Variants in CDC6 observed in about 807,000 individuals in gnomAD.
The protein encoded by CDC6 is cell division cycle 6.
CDC6 carries 46 observed loss-of-function variants against 60.2 expected under a neutral mutation model. The observed-to-expected ratio is 0.76, with a 90% CI of 0.60 to 0.98. CDC6 has a LOEUF of 0.98. Ranked by LOEUF, CDC6 falls within the 50% of genes least tolerant of loss-of-function variation. The pLI is 0.00. For synonymous variants in CDC6, 210 were observed against 233.2 expected, an observed-to-expected ratio of 0.90 and a Z score of 0.90; for missense variants, 596 against 652.9, an observed-to-expected ratio of 0.91 and a Z score of 0.95.
intron 11 of CDC6, 109 bp from the exon 12 acceptor site, chr17:40,301,803 A>G: frequency 1.0e-6 from 1 of 965,826 alleles, no homozygotes; most frequent in Non-Finnish European, 1.7e-6. Flanking sequence ...AAAGTGTTTA[A>G]CTTGCTTGCC....
chr17:40,293,891 A>G, intron 5 of CDC6, 59 bp from the exon 6 acceptor site: 3 of 1,415,640 alleles, frequency 2.1e-6, no homozygotes, highest in Non-Finnish European at 3.0e-6. Flanking sequence ...GTCAGCCTAT[A>G]TCAAACATTA....
At chr17:40,292,220 G>A (rs2032774804) in intron 4 of CDC6, among the ~76,000 whole-genome samples, 1 of 152,044 alleles carries the variant, frequency 6.6e-6, no homozygotes, top group South Asian at 2.1e-4. Flanking sequence ...GTAGAGACAG[G>A]GTTTCACCAT....
At position 40,302,170 on chromosome 17, in the gene CDC6, T is replaced by C; in HGVS notation, c.*169T>C. The C allele has an allele frequency of 1.6e-6, 1 of 632,630 alleles. No individual in the cohort carries two copies. 39.2% of individuals were successfully genotyped at this position (632,630 alleles called of 1,614,324 possible). On this transcript the variant is annotated 3_prime_UTR_variant, in exon 12 of 12. Coordinates refer to ENST00000209728, the MANE Select transcript of CDC6 (RefSeq NM_001254.4). ...TTAATATTAGCACAGAATAATATCTTTGGGTCTTACTATTTTTACCCATAA... is the reference window on the plus strand; with the variant it reads ...TTAATATTAGCACAGAATAATATCTCTGGGTCTTACTATTTTTACCCATAA...
Position 40,303,640 on chromosome 17 carries a change from A to C in CDC6, c.*1639A>C, listed in dbSNP as rs941515997. ...TGTTGTTCTCACACTCCTTTACTAG[A>C]GTATTCGTTCCCTCTGAAGGTAGTT... On this transcript the variant is annotated 3_prime_UTR_variant, in exon 12 of 12. Coordinates refer to ENST00000209728, the MANE Select transcript of CDC6 (RefSeq NM_001254.4). The C allele has an allele frequency of 6.6e-6, 1 of 152,222 alleles. No homozygotes were observed. Among genetic ancestry groups the C allele is most frequent in the Non-Finnish European group, 1.5e-5 (1 of 68,060 alleles). The allele number at this position is 152,222 out of a possible 1,614,324, so 9.4% of individuals were successfully genotyped here.
chr17:40,296,034 T>C (rs1473771696), intron 8 of CDC6, among the ~76,000 whole-genome samples: 1 of 152,104 alleles, frequency 6.6e-6, no homozygotes, highest in Non-Finnish European at 1.5e-5. Flanking sequence ...CCTCCCCCTA[T>C]TGCTATGCAG....
intron 2 of CDC6, 65 bp from the exon 3 acceptor site, chr17:40,290,993 G>T: frequency 1.3e-6 from 2 of 1,505,986 alleles, no homozygotes; most frequent in South Asian, 2.3e-5. Context: ...AGAGGCAGAG[G>T]TCTTGCACAT....
In CDC6 at chr17:40,301,477, G is replaced by A. The variant is rs778637145; in HGVS notation, c.1462G>A (p.Ala488Thr). 3.1e-6 allele frequency: 5 copies of A among 1,613,940 alleles called. No individual in the cohort carries two copies. The Admixed American group carries it at 6.7e-5, about 22-fold the overall frequency. ...CCTTGTTTCCTACCAGTTATATGAA[G>A]CCTACAGTAAAGTCTGTCGCAAACA... is the stretch of plus-strand genomic sequence containing the variant. ...KEVTLGKLYE[A>T]YSKVCRKQQV... Residue 488 changes from alanine (A) to threonine (T), a missense_variant, in exon 11 of 12, where the codon GCC becomes ACC. Physicochemically the swap from Ala to Thr is moderately conservative, Grantham distance 58 (BLOSUM62 0). Transcript: ENST00000209728.
chr17:40,293,349 G>A (rs995361125), intron 4 of CDC6, 107 bp from the exon 5 acceptor site: 15 of 779,786 alleles, frequency 1.9e-5, no homozygotes, highest in Non-Finnish European at 3.4e-5. Context: ...CCAAATGAAA[G>A]TAGAGCTTCC....
In CDC6 at chr17:40,302,133, T is replaced by C; in HGVS notation, c.*132T>C. Reference sequence around the variant, plus strand: ...TTTACTTGAAGCCAATGAATTTTAATCTATAGATTCTTTAATATTAGCACA... The same window carrying C: ...TTTACTTGAAGCCAATGAATTTTAACCTATAGATTCTTTAATATTAGCACA... On this transcript the variant is annotated 3_prime_UTR_variant, in exon 12 of 12. Transcript: ENST00000209728. 1.4e-6 allele frequency: 1 copy of C among 725,920 alleles called. No individual in the cohort carries two copies. The allele number at this position is 725,920 out of a possible 1,614,324, so 45.0% of individuals were successfully genotyped here.
intron 2 of CDC6, 120 bp from the exon 3 acceptor site, chr17:40,290,933 CATTTT>C: frequency 2.1e-6 from 2 of 937,248 alleles, no homozygotes; most frequent in Non-Finnish European, 3.5e-6. Flanking sequence ...AGTGAGAAGG[CATTTT>C]ATTTTGGTGG....
intron 9 of CDC6, among the ~76,000 whole-genome samples, chr17:40,297,656 T>A (rs568117339): frequency 6.6e-6 from 1 of 152,268 alleles, no homozygotes; most frequent in African/African-American, 2.4e-5. Context: ...TAGTCCTAGC[T>A]ACTTGGCAGG....
intron 4 of CDC6, among the ~76,000 whole-genome samples, chr17:40,292,610 G>C (rs943456334): frequency 1.3e-5 from 2 of 151,346 alleles, no homozygotes; most frequent in African/African-American, 4.9e-5. Context: ...ACTCCAGCCT[G>C]GGTGACAGAG....
rs780100461 is a variant in CDC6, at chr17:40,295,559, T to C, written c.1184+103T>C. On this transcript the variant is annotated intron_variant, in intron 8 of 11. Coordinates refer to ENST00000209728, the MANE Select transcript of CDC6 (RefSeq NM_001254.4). ...GTGAATGTGGCTTAAGAGGCTCTGT[T>C]CTGCTACTTTTTTACGCTCAGAAAG... 329 of 801,126 alleles carry C rather than the reference T, an allele frequency of 4.1e-4. 1 individual carries two copies. In the Middle Eastern group the frequency reaches 4.7e-3, roughly 11 times the overall value. 49.6% of individuals were successfully genotyped at this position (801,126 alleles called of 1,614,324 possible).
Position 40,294,402 on chromosome 17 carries a change from C to A in CDC6, c.982C>A (p.Pro328Thr). Residue 328 changes from proline to threonine, a missense_variant, in exon 7 of 12, where the codon CCT becomes ACT. Physicochemically the swap from Pro to Thr is conservative, Grantham distance 38. Coordinates refer to ENST00000209728, the MANE Select transcript of CDC6 (RefSeq NM_001254.4). Reference protein sequence around the residue: ...NTLDLTDRILPRLQAREKCKP... With the variant: ...NTLDLTDRILTRLQAREKCKP... ...CCTGGATCTCACAGATAGAATTCTACCTAGGCTTCAAGCTAGAGAAAAATG... is the reference window on the plus strand; with the variant it reads ...CCTGGATCTCACAGATAGAATTCTAACTAGGCTTCAAGCTAGAGAAAAATG... The A allele has an allele frequency of 6.2e-7, 1 of 1,607,542 alleles. No homozygotes were observed. The highest frequency in any genetic ancestry group is 8.5e-7 in the Non-Finnish European group (1 of 1,174,056).
chr17:40,294,294 C>A, intron 6 of CDC6, 70 bp from the exon 7 acceptor site: 1 of 1,288,342 alleles, frequency 7.8e-7, no homozygotes, highest in Non-Finnish European at 1.1e-6. Flanking sequence ...ATTTATTTAG[C>A]TTTCAGAAGA....
At chr17:40,291,803 T>C (rs2032767737) in intron 4 of CDC6, 135 bp downstream of exon 4, 1 of 872,146 alleles carries the variant, frequency 1.1e-6, no homozygotes, top group Non-Finnish European at 1.9e-6. Context: ...TGTAGTGCAG[T>C]GGCGCGATCT....
intron 1 of CDC6, chr17:40,289,071 G>A (rs768357693): frequency 2.9e-4 from 93 of 321,066 alleles, no homozygotes; most frequent in Non-Finnish European, 5.3e-4. Flanking sequence ...GATGCCCGGG[G>A]TTACATTCCT....
At chr17:40,301,194 T>A (rs1231134158) in intron 10 of CDC6, among the ~76,000 whole-genome samples, 164 bp downstream of exon 10, 1 of 152,220 alleles carries the variant, frequency 6.6e-6, no homozygotes, top group African/African-American at 2.4e-5. Context: ...CCTATTTCCC[T>A]TGGATTGTGG....
chr17:40,295,245 G>T (rs779167094), intron 7 of CDC6, 111 bp from the exon 8 acceptor site: 137 of 795,638 alleles, frequency 1.7e-4, no homozygotes, highest in Non-Finnish European at 2.9e-4. Flanking sequence ...TAACCCTAAA[G>T]AGTTGCCAAT....
Sources: allele counts gnomAD v4.1 joint callset (sites outside exome capture counted in the v4.1 genomes callset), GRCh38; gene constraint gnomAD v4.1.1; transcripts MANE v1.5; gene names NCBI Gene and HGNC (gene_info 2026-07-23, HGNC 2026-07-21).